The following PDE8A variants were observed in gnomAD, a reference collection of about 807,000 sequenced individuals.
The protein encoded by PDE8A is high affinity cAMP-specific and IBMX-insensitive 3',5'-cyclic phosphodiesterase 8A.
PDE8A carries 59 observed loss-of-function variants against 105.0 expected under a neutral mutation model. That is an observed-to-expected ratio of 0.56 (90% CI 0.46 to 0.70). PDE8A has a LOEUF of 0.70. Among genes scored for constraint, PDE8A ranks in the 30% least tolerant of loss-of-function variants. The probability of loss-of-function intolerance (pLI) is 0.00; values close to 1 mark genes in which losing one functional copy is unlikely to be tolerated. For synonymous variants in PDE8A, 355 were observed against 371.9 expected (o/e 0.95, Z 0.52); for missense variants, 1,014 against 1,045.9 (o/e 0.97, Z 0.42).
intron 1 of PDE8A, chr15:85,064,112 AG>A (rs2081186110): frequency 5.0e-6 from 2 of 403,814 alleles, no homozygotes; most frequent in Admixed American, 8.3e-5. Context: ...AGTCACATGT[AG>A]CTAGTAAAAG....
At chr15:85,123,287 G>T in intron 19 of PDE8A, 94 bp downstream of exon 19, 1 of 1,181,228 alleles carries the variant, frequency 8.5e-7, no homozygotes, top group Non-Finnish European at 1.2e-6. Flanking sequence ...GCCACAGAAG[G>T]GTTCCCTCAG....
chr15:85,115,739 G>A (rs371600240), intron 15 of PDE8A: 213 of 537,420 alleles, frequency 4.0e-4, no homozygotes, highest in African/African-American at 3.5e-3. Context: ...GGCCAACATG[G>A]CAAAATCCTG....
intron 1 of PDE8A, among the ~76,000 whole-genome samples, chr15:85,014,232 G>A (rs927201638): frequency 3.9e-5 from 6 of 151,904 alleles, no homozygotes; most frequent in South Asian, 2.1e-4. Context: ...ATGCAGCCTC[G>A]AACTCCTGGG....
intron 8 of PDE8A, among the ~76,000 whole-genome samples, chr15:85,094,061 C>A (rs1208823370): frequency 6.6e-6 from 1 of 152,126 alleles, no homozygotes; most frequent in East Asian, 1.9e-4. Flanking sequence ...TGGGGTCTCA[C>A]TGTGTTGCCC....
At chr15:85,115,926 A>G in intron 15 of PDE8A, 58 bp from the exon 16 acceptor site, 1 of 1,531,890 alleles carries the variant, frequency 6.5e-7, no homozygotes, top group Non-Finnish European at 8.9e-7. Context: ...TCTCAAAAAA[A>G]AAAAAAAAAG....
chr15:85,040,342 C>T (rs1487666079), intron 1 of PDE8A, among the ~76,000 whole-genome samples: 1 of 144,912 alleles, frequency 6.9e-6, no homozygotes, highest in Non-Finnish European at 1.5e-5. Flanking sequence ...ACGGCGTGAG[C>T]CACCATGCCC....
chr15:85,124,512 A>G (rs2082229881), intron 19 of PDE8A, among the ~76,000 whole-genome samples: 1 of 152,176 alleles, frequency 6.6e-6, no homozygotes, highest in Non-Finnish European at 1.5e-5. Flanking sequence ...GCAGGCTAGG[A>G]TCATAATTCC....
At chr15:85,094,557 C>T (rs12905036) in intron 8 of PDE8A, among the ~76,000 whole-genome samples, 31,465 of 152,196 alleles carry the variant, frequency 0.21, 4,288 homozygotes, top group Middle Eastern at 0.32. Flanking sequence ...AATTGTCTAG[C>T]AATGGTTTTC....
intron 1 of PDE8A, among the ~76,000 whole-genome samples, chr15:84,996,904 G>A (rs925177683): frequency 1.3e-5 from 2 of 149,664 alleles, no homozygotes; most frequent in Admixed American, 6.7e-5. Flanking sequence ...AGGACTGGAA[G>A]CTGCTGAGTG....
intron 4 of PDE8A, among the ~76,000 whole-genome samples, chr15:85,076,394 G>A (rs2081380969): frequency 1.3e-5 from 2 of 151,410 alleles, no homozygotes. Flanking sequence ...CTGAGCTGTA[G>A]GGGAGAAAGG....
chr15:85,065,860 C>A lies in PDE8A; in HGVS notation c.244-1154C>A, dbSNP rs1028091829. On this transcript the variant is annotated intron_variant, in intron 2 of 21. Coordinates refer to ENST00000394553, the MANE Select transcript of PDE8A (RefSeq NM_002605.3). The stretch of plus-strand genomic sequence containing the variant: ...ATAAGGAAGACGCTATGGATACAGG[C>A]CTCGCTTGCTCCAGGCCAGGACTGA... Among the ~76,000 whole-genome samples the A allele has an allele frequency of 6.6e-5, 10 of 152,340 alleles. No individual in the cohort carries two copies. In the South Asian group the frequency reaches 1.7e-3, roughly 25 times the overall value.
intron 1 of PDE8A, among the ~76,000 whole-genome samples, chr15:84,992,164 C>T (rs2079895966): frequency 1.3e-5 from 2 of 152,090 alleles, no homozygotes; most frequent in Non-Finnish European, 2.9e-5. Context: ...TCTCAGGGAA[C>T]AATTAGTCCT....
chr15:85,102,429 C>T (rs2081878296), intron 11 of PDE8A, among the ~76,000 whole-genome samples: 1 of 151,996 alleles, frequency 6.6e-6, no homozygotes, highest in Admixed American at 6.6e-5. Context: ...ATTGCAGGGG[C>T]TGGAGGAGTC....
At chr15:85,134,285 G>A (rs1285252421) in intron 20 of PDE8A, among the ~76,000 whole-genome samples, 5 of 152,206 alleles carry the variant, frequency 3.3e-5, no homozygotes, top group Non-Finnish European at 7.3e-5. Context: ...CTTTGCCATG[G>A]CTGCCCAGAG....
chr15:85,136,450 G>C, intron 20 of PDE8A, 84 bp from the exon 21 acceptor site: 2 of 1,439,964 alleles, frequency 1.4e-6, no homozygotes, highest in Non-Finnish European at 1.9e-6. Context: ...GCTGCCAGGA[G>C]AAGCTCTTCC....
intron 1 of PDE8A, among the ~76,000 whole-genome samples, chr15:84,992,434 T>C (rs2079900955): frequency 6.6e-6 from 1 of 152,192 alleles, no homozygotes; most frequent in Non-Finnish European, 1.5e-5. Flanking sequence ...ACGGGAGGTC[T>C]AAAAGCCAGG....
At chr15:84,987,085 G>GC (rs1478688715) in intron 1 of PDE8A, among the ~76,000 whole-genome samples, 1 of 152,182 alleles carries the variant, frequency 6.6e-6, no homozygotes, top group Non-Finnish European at 1.5e-5. Context: ...ACTTTCTGCT[G>GC]CCATAGTAAG....
chr15:85,112,449 T>TA (rs1190826571), intron 12 of PDE8A, among the ~76,000 whole-genome samples: 1 of 152,244 alleles, frequency 6.6e-6, no homozygotes, highest in Non-Finnish European at 1.5e-5. Flanking sequence ...ATGACAGTGA[T>TA]AAAATAGGAG....
intron 1 of PDE8A, among the ~76,000 whole-genome samples, chr15:85,012,688 TA>T (rs1422470227): frequency 6.6e-6 from 1 of 151,678 alleles, no homozygotes; most frequent in Admixed American, 6.6e-5. Flanking sequence ...CCCTAAAACT[TA>T]AAGTATAATA....
Sources: allele counts gnomAD v4.1 joint callset (sites outside exome capture counted in the v4.1 genomes callset), GRCh38; gene constraint gnomAD v4.1.1; transcripts MANE v1.5; gene names NCBI Gene and HGNC (gene_info 2026-07-23, HGNC 2026-07-21).